ARHGAP15: variants seen among roughly 807,000 people sequenced by gnomAD.
ARHGAP15 encodes Rho GTPase activating protein 15.
ARHGAP15 carries 51 observed loss-of-function variants against 63.7 expected under a neutral mutation model. The ratio of observed to expected loss-of-function variants is 0.80; its 90% CI spans 0.64 to 1.01. ARHGAP15 has a LOEUF of 1.01. ARHGAP15 is among the 50% of genes least tolerant of loss of function. The probability of loss-of-function intolerance (pLI) is 0.00; values close to 1 mark genes in which losing one functional copy is unlikely to be tolerated. For synonymous variants in ARHGAP15, 191 were observed against 193.8 expected (o/e 0.99, Z 0.12); for missense variants, 560 against 564.6 (o/e 0.99, Z 0.08).
rs183190256 is a variant in ARHGAP15, at chr2:143,541,046, A to T, written c.926-15362A>T. Among the ~76,000 whole-genome samples, 391 of 151,640 alleles carry T rather than the reference A, an allele frequency of 2.6e-3. 3 individuals carry two copies. Among genetic ancestry groups the T allele is most frequent in the Non-Finnish European group, 4.3e-3 (289 of 67,786 alleles). On this transcript the variant is annotated intron_variant, in intron 10 of 13. Coordinates refer to ENST00000295095, the MANE Select transcript of ARHGAP15 (RefSeq NM_018460.4). ...ATGTAGGTTTGGTCTTTTCACATAG[A>T]CCCATATTTCTTGGAGGCTTTGTTC... is the stretch of plus-strand genomic sequence containing the variant.
intron 8 of ARHGAP15, among the ~76,000 whole-genome samples, chr2:143,455,747 A>G (rs1690619101): frequency 6.6e-6 from 1 of 152,096 alleles, no homozygotes. Context: ...TTTCGCATTT[A>G]CATTAGGTCC....
chr2:143,444,203 G>T (rs931652432), intron 8 of ARHGAP15, among the ~76,000 whole-genome samples: 2 of 152,062 alleles, frequency 1.3e-5, no homozygotes, highest in African/African-American at 2.4e-5. Flanking sequence ...ATGGCATCTT[G>T]CTTTCAATAA....
At chr2:143,137,161 C>G (rs1689178465) in intron 1 of ARHGAP15, among the ~76,000 whole-genome samples, 1 of 151,884 alleles carries the variant, frequency 6.6e-6, no homozygotes, top group African/African-American at 2.4e-5. Context: ...TTTTGTTTTC[C>G]TTCATATTAG....
intron 12 of ARHGAP15, among the ~76,000 whole-genome samples, chr2:143,686,986 C>T (rs1683380188): frequency 6.6e-6 from 1 of 152,166 alleles, no homozygotes; most frequent in East Asian, 1.9e-4. Flanking sequence ...TCATTTTGCA[C>T]ATAAGGTACA....
At chr2:143,340,526 TC>T (rs1455003673) in intron 6 of ARHGAP15, among the ~76,000 whole-genome samples, 11 of 67,686 alleles carry the variant, frequency 1.6e-4, no homozygotes, top group Admixed American at 5.0e-4. Context: ...AGATTTTTTC[TC>T]TTTTTTTTTT....
intron 13 of ARHGAP15, among the ~76,000 whole-genome samples, chr2:143,715,199 T>C (rs1047894917): frequency 8.5e-5 from 13 of 152,138 alleles, no homozygotes; most frequent in Non-Finnish European, 1.9e-4. Context: ...ATGAGGAAGA[T>C]GCAAACACAG....
At chr2:143,151,092 G>A (rs1486729417) in intron 1 of ARHGAP15, among the ~76,000 whole-genome samples, 1 of 151,976 alleles carries the variant, frequency 6.6e-6, no homozygotes. Flanking sequence ...CAAAACTGGA[G>A]TTCCTCGTTC....
intron 6 of ARHGAP15, among the ~76,000 whole-genome samples, chr2:143,379,589 T>C (rs1686977457): frequency 6.6e-6 from 1 of 151,324 alleles, no homozygotes; most frequent in African/African-American, 2.4e-5. Context: ...CTCTCTTTAG[T>C]TTCCTGAAAA....
At chr2:143,322,762 G>C (rs78565746) in intron 6 of ARHGAP15, among the ~76,000 whole-genome samples, 2 of 152,104 alleles carry the variant, frequency 1.3e-5, no homozygotes, top group African/African-American at 2.4e-5. Flanking sequence ...ATGATGCTTC[G>C]ATGTGGTACT....
At chr2:143,457,408 TG>T (rs1262893419) in intron 8 of ARHGAP15, among the ~76,000 whole-genome samples, 1 of 151,938 alleles carries the variant, frequency 6.6e-6, no homozygotes, top group Non-Finnish European at 1.5e-5. Flanking sequence ...TAGCTGGACA[TG>T]GTAGCATGCA....
chr2:143,725,182 T>C (rs1685224730), intron 13 of ARHGAP15, among the ~76,000 whole-genome samples: 1 of 152,202 alleles, frequency 6.6e-6, no homozygotes, highest in Non-Finnish European at 1.5e-5. Context: ...GTAAAAGAAG[T>C]TTTATTGGGA....
At chr2:143,488,952 C>A (rs1321313094) in intron 9 of ARHGAP15, among the ~76,000 whole-genome samples, 1 of 152,226 alleles carries the variant, frequency 6.6e-6, no homozygotes, top group Admixed American at 6.5e-5. Flanking sequence ...AATTGACCCT[C>A]TACAGATTCA....
chr2:143,578,770 T>C (rs1696776201), intron 11 of ARHGAP15, among the ~76,000 whole-genome samples: 1 of 152,154 alleles, frequency 6.6e-6, no homozygotes, highest in Non-Finnish European at 1.5e-5. Flanking sequence ...AATTTAGTTT[T>C]TACGCATGGG....
intron 8 of ARHGAP15, among the ~76,000 whole-genome samples, chr2:143,444,734 A>T (rs555900172): frequency 6.6e-6 from 1 of 152,172 alleles, no homozygotes; most frequent in Non-Finnish European, 1.5e-5. Context: ...TTGTAAAATA[A>T]GTTTCTTATT....
At chr2:143,455,229 TGA>T (rs1690590756) in intron 8 of ARHGAP15, among the ~76,000 whole-genome samples, 2 of 151,888 alleles carry the variant, frequency 1.3e-5, no homozygotes, top group Non-Finnish European at 2.9e-5. Context: ...AGGAAAGAGG[TGA>T]GCAATTCCCG....
At chr2:143,737,150 G>C (rs1685776539) in intron 13 of ARHGAP15, among the ~76,000 whole-genome samples, 1 of 152,232 alleles carries the variant, frequency 6.6e-6, no homozygotes, top group South Asian at 2.1e-4. Flanking sequence ...CGGGAACATT[G>C]AATATGTTGT....
At chr2:143,541,626 G>A (rs960711944) in intron 10 of ARHGAP15, among the ~76,000 whole-genome samples, 22 of 152,148 alleles carry the variant, frequency 1.4e-4, no homozygotes, top group Non-Finnish European at 2.8e-4. Context: ...GTCTGTTGGA[G>A]TTTACTGGAG....
intron 1 of ARHGAP15, among the ~76,000 whole-genome samples, chr2:143,149,477 G>A (rs928793899): frequency 1.3e-5 from 2 of 151,838 alleles, no homozygotes; most frequent in South Asian, 2.1e-4. Flanking sequence ...GAAACTCAAG[G>A]AAGACTATTC....
chr2:143,309,680 A>C, intron 6 of ARHGAP15, among the ~76,000 whole-genome samples: 1 of 151,966 alleles, frequency 6.6e-6, no homozygotes, highest in South Asian at 2.1e-4. Flanking sequence ...GGGTTTCTCA[A>C]CCTAGGCACG....
Sources: allele counts gnomAD v4.1 joint callset (sites outside exome capture counted in the v4.1 genomes callset), GRCh38; gene constraint gnomAD v4.1.1; transcripts MANE v1.5; gene names NCBI Gene and HGNC (gene_info 2026-07-23, HGNC 2026-07-21).